NEMF: variants seen among roughly 807,000 people sequenced by gnomAD.
NEMF encodes the protein ribosome quality control complex subunit NEMF.
A neutral mutation model predicts 162.2 loss-of-function variants in NEMF; 89 were observed. That is an observed-to-expected ratio of 0.55 (90% CI 0.46 to 0.65). The LOEUF (loss-of-function observed/expected upper bound fraction) is 0.65, where lower values mean the gene tolerates loss of function less well. Ranked by LOEUF, NEMF falls within the 30% of genes least tolerant of loss-of-function variation. The pLI is 0.00. For synonymous variants in NEMF, 421 were observed against 404.5 expected (o/e 1.04, Z -0.49); for missense variants, 1,133 against 1,261.9 (o/e 0.90, Z 1.55).
chr14:49,840,461 CA>C (rs10706756), intron 5 of NEMF, among the ~76,000 whole-genome samples: 134,760 of 140,860 alleles, frequency 0.96, 64,672 homozygotes, highest in South Asian at 1. Context: ...GACTCCATCT[CA>C]AAAAAAAAAA....
intron 16 of NEMF, 88 bp from the exon 17 acceptor site, chr14:49,814,945 A>G: frequency 1.4e-6 from 1 of 734,416 alleles, no homozygotes; most frequent in African/African-American, 1.8e-5. Context: ...ACAGGAAGCT[A>G]TTTAAGACAA....
chr14:49,785,639 T>TG, intron 29 of NEMF: 1 of 265,492 alleles, frequency 3.8e-6, no homozygotes, highest in Admixed American at 4.8e-5. Flanking sequence ...CCTAGGACTC[T>TG]GGAAGGCTCA....
intron 4 of NEMF, among the ~76,000 whole-genome samples, chr14:49,843,416 C>T (rs140661098): frequency 1.2e-3 from 176 of 152,210 alleles, no homozygotes; most frequent in Non-Finnish European, 2.2e-3. Flanking sequence ...GTCACTTGAG[C>T]CCAGGAGGCC....
intron 25 of NEMF, among the ~76,000 whole-genome samples, chr14:49,796,723 A>G (rs1184418320): frequency 1.3e-5 from 2 of 152,220 alleles, no homozygotes; most frequent in Non-Finnish European, 2.9e-5. Flanking sequence ...TAAAGGGTAT[A>G]GTCCAAAATC....
At chr14:49,843,011 A>T (rs1893291973) in intron 4 of NEMF, among the ~76,000 whole-genome samples, 1 of 152,172 alleles carries the variant, frequency 6.6e-6, no homozygotes, top group South Asian at 2.1e-4. Flanking sequence ...TCTCAAAAAA[A>T]ATTAAAAAAT....
chr14:49,803,496 A>G (rs186805243), intron 19 of NEMF, among the ~76,000 whole-genome samples: 1 of 152,048 alleles, frequency 6.6e-6, no homozygotes, highest in Admixed American at 6.6e-5. Flanking sequence ...AAAGAAAAAA[A>G]CAAAGAATCC....
chr14:49,796,270 C>T (rs1426868685), intron 25 of NEMF: 1 of 479,118 alleles, frequency 2.1e-6, no homozygotes, highest in South Asian at 1.5e-5. Context: ...GTCTTTGTAC[C>T]AACATAGCAT....
Position 49,806,029 on chromosome 14 carries a change from G to T in NEMF, c.1849C>A (p.His617Asn). The T allele has an allele frequency of 6.2e-7, 1 of 1,606,330 alleles. No individual in the cohort carries two copies. The highest frequency in any genetic ancestry group is 8.5e-7 in the Non-Finnish European group (1 of 1,175,154). The change falls in exon 19 of 33, where the codon CAT (histidine) becomes AAT (asparagine). Residue 617 changes from histidine (H) to asparagine (N), a missense_variant. This residue lies in a region of NEMF where 532 missense variants were observed against 578.6 expected (regional missense o/e 0.92). Transcript: ENST00000298310. ...RVITSAWWVY[H>N]HQVSKTAPTG... ...ACAAGAGCCCTTATTACCTGATGAT[G>T]GTACACCCACCAAGCACTAGTGATA... is the stretch of plus-strand genomic sequence containing the variant.
At chr14:49,797,123 A>G (rs1890726101) in intron 25 of NEMF, among the ~76,000 whole-genome samples, 1 of 152,180 alleles carries the variant, frequency 6.6e-6, no homozygotes, top group Non-Finnish European at 1.5e-5. Context: ...TTGTATACTC[A>G]GTAAGTATCT....
At chr14:49,812,591 A>G (rs146580860) in intron 18 of NEMF, among the ~76,000 whole-genome samples, 6 of 152,176 alleles carry the variant, frequency 3.9e-5, no homozygotes, top group African/African-American at 1.4e-4. Context: ...GTTTTGACAC[A>G]CTGTATTTTC....
Position 49,821,346 on chromosome 14 carries a change from G to A in NEMF, c.1577+4521C>T, listed in dbSNP as rs1343690236. ...AGCCCCCCGCCCGGCCAGCCGCCCC[G>A]TCCGGGAGGGAGGTGGGGGGGGTCA... On this transcript the variant is annotated intron_variant, in intron 16 of 32. Transcript: ENST00000298310. Among the ~76,000 whole-genome samples, 11 of 7,368 alleles carry A rather than the reference G, an allele frequency of 1.5e-3. 3 individuals are homozygous for A. Among genetic ancestry groups the A allele is most frequent in the African/African-American group, 1.6e-3 (11 of 6,758 alleles). 4.8% of individuals were successfully genotyped at this position (7,368 alleles called of 152,430 possible).
chr14:49,813,867 G>A (rs961459565), intron 18 of NEMF, 121 bp downstream of exon 18: 5 of 641,098 alleles, frequency 7.8e-6, no homozygotes, highest in Non-Finnish European at 1.4e-5. Flanking sequence ...GCTTCCCAAA[G>A]TGCTGGGATT....
At chr14:49,802,610 G>A in intron 21 of NEMF, 37 bp from the exon 22 acceptor site, 1 of 1,611,670 alleles carries the variant, frequency 6.2e-7, no homozygotes, top group African/African-American at 1.3e-5. Context: ...CGGAGCTTCA[G>A]ACAAGACTAA....
chr14:49,847,460 T>A (rs1404336981), intron 3 of NEMF, among the ~76,000 whole-genome samples: 3 of 151,994 alleles, frequency 2.0e-5, no homozygotes, highest in Non-Finnish European at 4.4e-5. Flanking sequence ...CACCTCGGCC[T>A]CCCAAAGTGT....
intron 3 of NEMF, among the ~76,000 whole-genome samples, chr14:49,850,173 G>T (rs1566716658): frequency 1.3e-5 from 2 of 152,096 alleles, no homozygotes; most frequent in Non-Finnish European, 2.9e-5. Flanking sequence ...TGCGAACTCA[G>T]CTGACTGCAA....
intron 19 of NEMF, among the ~76,000 whole-genome samples, chr14:49,805,749 T>C (rs1484186006): frequency 6.6e-6 from 1 of 151,890 alleles, no homozygotes; most frequent in African/African-American, 2.4e-5. Context: ...TCACTCTCTC[T>C]TCATTTACCT....
intron 17 of NEMF, among the ~76,000 whole-genome samples, 197 bp downstream of exon 17, chr14:49,814,557 C>T (rs1267693844): frequency 6.6e-6 from 1 of 152,158 alleles, no homozygotes; most frequent in Non-Finnish European, 1.5e-5. Context: ...CTCAGCAATA[C>T]CATTTTAGGA....
Position 49,785,175 on chromosome 14 carries a change from CA to C in NEMF, c.3030-41del, listed in dbSNP as rs1213139179. The C allele has an allele frequency of 3.1e-6, 5 of 1,601,612 alleles. No homozygotes were observed. The Admixed American group carries it at 8.3e-5, about 27-fold the overall frequency. On this transcript the variant is annotated intron_variant, in intron 30 of 32. Transcript: ENST00000298310. Reference sequence around the variant, plus strand: ...TACATGTGTTACTAAATAGACGTTACAAAACAATTCACAAAAGCCATTCTGT... The same window carrying C: ...TACATGTGTTACTAAATAGACGTTACAAACAATTCACAAAAGCCATTCTGT...
chr14:49,784,809 G>T, intron 32 of NEMF, 96 bp from the exon 33 acceptor site: 1 of 1,410,494 alleles, frequency 7.1e-7, no homozygotes, highest in Non-Finnish European at 9.9e-7. Context: ...ACTTTTAGCT[G>T]AGATGGTTTT....
Sources: allele counts gnomAD v4.1 joint callset (sites outside exome capture counted in the v4.1 genomes callset), GRCh38; gene constraint gnomAD v4.1.1; regional missense constraint gnomAD v4.1.1; transcripts MANE v1.5; gene names NCBI Gene and HGNC (gene_info 2026-07-23, HGNC 2026-07-21).